CIT: variants seen among roughly 807,000 people sequenced by gnomAD.
CIT encodes citron rho-interacting serine/threonine kinase, also known as citron Rho-interacting kinase.
Under a neutral mutation model 272.7 loss-of-function variants are expected in CIT, and 79 were observed. The observed-to-expected ratio is 0.29, with a 90% CI of 0.24 to 0.35. CIT has a LOEUF of 0.35. CIT is among the 10% of genes least tolerant of loss of function. The pLI is 1.00. For missense variants in CIT, 1,909 were observed against 2,618.3 expected, an observed-to-expected ratio of 0.73 and a Z score of 5.91; for synonymous variants, 948 against 995.6, an observed-to-expected ratio of 0.95 and a Z score of 0.90.
intron 9 of CIT, 134 bp from the exon 10 acceptor site, chr12:119,803,523 C>G (rs556787820): frequency 2.5e-4 from 145 of 584,038 alleles, no homozygotes; most frequent in South Asian, 1.3e-3. Flanking sequence ...CAATCTAGCT[C>G]GCAACCTCGG....
chr12:119,691,350 G>A, intron 46 of CIT, among the ~76,000 whole-genome samples: 1 of 152,146 alleles, frequency 6.6e-6, no homozygotes, highest in East Asian at 1.9e-4. Flanking sequence ...GAAGCAGTTT[G>A]GAGAAACCCT....
chr12:119,870,895 C>T (rs994437037), intron 2 of CIT, among the ~76,000 whole-genome samples: 1 of 151,816 alleles, frequency 6.6e-6, no homozygotes, highest in Non-Finnish European at 1.5e-5. Flanking sequence ...CCGAGGCAGG[C>T]GGATCGCGAG....
chr12:119,752,266 GAGAA>G lies in CIT; in HGVS notation c.2707-23_2707-20del. 5 of 1,580,202 alleles carry G rather than the reference GAGAA, an allele frequency of 3.2e-6. No homozygotes were observed. Among genetic ancestry groups the G allele is most frequent in the Non-Finnish European group, 3.4e-6 (4 of 1,163,696 alleles). ...GACTGACCTGAGACAGAGAGAGAGA[GAGAA>G]AGAGAGATAAACCCTTGCTTGGTCT... On this transcript the variant is annotated intron_variant, in intron 22 of 47. Transcript: ENST00000392521.
intron 32 of CIT, among the ~76,000 whole-genome samples, chr12:119,717,251 C>G (rs1176216473): frequency 6.6e-6 from 1 of 152,052 alleles, no homozygotes; most frequent in Non-Finnish European, 1.5e-5. Context: ...AGGGTTTCTC[C>G]ATGTTGGTCA....
At chr12:119,791,427 G>A (rs1397496147) in intron 10 of CIT, among the ~76,000 whole-genome samples, 6 of 152,204 alleles carry the variant, frequency 3.9e-5, no homozygotes, top group African/African-American at 1.4e-4. Flanking sequence ...CCCCACAAGA[G>A]CAACTCTCCC....
intron 3 of CIT, among the ~76,000 whole-genome samples, chr12:119,861,112 C>T (rs1446048440): frequency 6.6e-6 from 1 of 150,688 alleles, no homozygotes; most frequent in Non-Finnish European, 1.5e-5. Flanking sequence ...TACAGCGAGA[C>T]TCTGTCTCAG....
In CIT at chr12:119,697,823, C is replaced by T. The variant is rs373035941; in HGVS notation, c.5718G>A (p.Ala1906=). ...ARSSAGTPAR[A]YLDIPNPRYL... ...AGCGCGGGTTCGGGATGTCCAGGTA[C>T]GCTCGGGCAGGGGTCCTGCAGAGTC... The change falls in exon 46 of 48, where the codon GCG becomes GCA. Residue 1906 remains alanine, a synonymous_variant. Coordinates refer to ENST00000392521, the MANE Select transcript of CIT (RefSeq NM_001206999.2). This position sits in a 1 kb window ranked among gnomAD's most constrained non-coding sequence, Gnocchi z 4.9. 119 of 1,614,072 alleles carry T rather than the reference C, an allele frequency of 7.4e-5. 4 individuals are homozygous for T. In the South Asian group the frequency reaches 7.8e-4, roughly 11 times the overall value.
intron 9 of CIT, among the ~76,000 whole-genome samples, chr12:119,821,295 C>CA (rs34617126): frequency 0.046 from 4,485 of 97,422 alleles, 85 homozygotes; most frequent in Non-Finnish European, 0.056. Flanking sequence ...AACTCCGTCT[C>CA]AAAAAAAAAA....
At chr12:119,775,469 T>C (rs549132708) in intron 16 of CIT, among the ~76,000 whole-genome samples, 17 of 152,258 alleles carry the variant, frequency 1.1e-4, no homozygotes, top group African/African-American at 3.9e-4. Flanking sequence ...CTCTTACAAA[T>C]GTGCATAAAT....
intron 20 of CIT, among the ~76,000 whole-genome samples, chr12:119,759,037 A>C (rs942777742): frequency 6.6e-5 from 10 of 152,194 alleles, no homozygotes; most frequent in Non-Finnish European, 1.2e-4. Context: ...CTCTTAACTC[A>C]AATCTGCACA....
chr12:119,780,304 G>A (rs73416172), intron 13 of CIT, among the ~76,000 whole-genome samples: 3,614 of 152,176 alleles, frequency 0.024, 138 homozygotes, highest in African/African-American at 0.084. Flanking sequence ...TAGCTAGGTG[G>A]AAGTAAAATA....
intron 10 of CIT, among the ~76,000 whole-genome samples, chr12:119,794,270 G>GTGAATGAATGAA (rs60480648): frequency 4.4e-4 from 67 of 151,806 alleles, no homozygotes; most frequent in African/African-American, 1.5e-3. Flanking sequence ...TATTTGTTGA[G>GTGAATGAATGAA]TGAATGAATG....
chr12:119,710,931 G>A lies in CIT; in HGVS notation c.4855-311C>T. On this transcript the variant is annotated intron_variant, in intron 37 of 47. Coordinates refer to ENST00000392521, the MANE Select transcript of CIT (RefSeq NM_001206999.2). The surrounding 1 kb of genome is among the most constrained non-coding windows in gnomAD (Gnocchi z 5.6). ...ATAAGAAATAAGCTGAAGCTAAGGA[G>A]ATTTCACCTGCGCAGGGTTAATAAG... The A allele has an allele frequency of 1.2e-6, 1 of 810,318 alleles. No homozygotes were observed. Among genetic ancestry groups the A allele is most frequent in the South Asian group, 1.4e-5 (1 of 70,372 alleles). The allele number at this position is 810,318 out of a possible 1,614,324, so 50.2% of individuals were successfully genotyped here.
chr12:119,700,868 G>A (rs367792945), intron 43 of CIT, 43 bp from the exon 44 acceptor site: 100 of 1,505,068 alleles, frequency 6.6e-5, no homozygotes, highest in Non-Finnish European at 8.4e-5. Context: ...ACAGCCAAGA[G>A]CAGGGGCATC....
chr12:119,844,180 C>T (rs558314937), intron 5 of CIT, among the ~76,000 whole-genome samples: 1 of 152,068 alleles, frequency 6.6e-6, no homozygotes, highest in African/African-American at 2.4e-5. Context: ...CACCATCATG[C>T]CTGGCTAATT....
intron 4 of CIT, among the ~76,000 whole-genome samples, chr12:119,852,523 G>A (rs900200397): frequency 1.3e-5 from 2 of 151,926 alleles, no homozygotes; most frequent in Non-Finnish European, 2.9e-5. Flanking sequence ...AGACCAGCCT[G>A]GCCAACATGA....
intron 44 of CIT, among the ~76,000 whole-genome samples, chr12:119,700,393 G>GT (rs1292132457): frequency 6.6e-6 from 1 of 151,938 alleles, no homozygotes; most frequent in African/African-American, 2.4e-5. Context: ...TTTTTTTGTT[G>GT]TTTTTTTGAG....
chr12:119,708,374 G>A (rs1008841846), intron 39 of CIT, 56 bp from the exon 40 acceptor site: 41 of 1,420,656 alleles, frequency 2.9e-5, no homozygotes, highest in Middle Eastern at 3.7e-4. Context: ...GTAAAGGTAC[G>A]GGATGGTGGT....
intron 9 of CIT, among the ~76,000 whole-genome samples, chr12:119,813,061 G>A (rs1478494169): frequency 8.5e-5 from 13 of 152,128 alleles, no homozygotes; most frequent in African/African-American, 2.4e-5. Context: ...CTCCGACCCC[G>A]TTCATGAGGG....
Sources: gnomAD v4.1 joint callset for allele counts (sites outside exome capture counted in the v4.1 genomes callset) on GRCh38, gnomAD v4.1.1 for gene constraint, Gnocchi (gnomAD v3.1) non-coding constraint, MANE v1.5 for transcripts, NCBI Gene and HGNC (gene_info 2026-07-23, HGNC 2026-07-21) for gene names.